The following MCU variants were observed in gnomAD, a reference collection of about 807,000 sequenced individuals.
MCU encodes the protein mitochondrial calcium uniporter.
A neutral mutation model predicts 45.2 loss-of-function variants in MCU; 12 were observed. The ratio of observed to expected loss-of-function variants is 0.27; its 90% CI spans 0.17 to 0.43. MCU has a LOEUF of 0.43. MCU is among the 20% of genes least tolerant of loss of function. The pLI is 1.00. For missense variants in MCU, 324 were observed against 436.7 expected (o/e 0.74, Z 2.30); for synonymous variants, 160 against 165.1 (o/e 0.97, Z 0.24).
intron 1 of MCU, among the ~76,000 whole-genome samples, chr10:72,710,051 C>T (rs1328840985): frequency 6.6e-6 from 1 of 152,216 alleles, no homozygotes; most frequent in Non-Finnish European, 1.5e-5. Context: ...TCTCAGGTCA[C>T]TGCAACCTCT....
At chr10:72,806,772 G>A (rs187090469) in intron 1 of MCU, among the ~76,000 whole-genome samples, 1 of 152,272 alleles carries the variant, frequency 6.6e-6, no homozygotes, top group Non-Finnish European at 1.5e-5. Flanking sequence ...TTTGAGGAGG[G>A]GTTGTTTAGT....
chr10:72,731,462 C>T (rs937624856), intron 1 of MCU, among the ~76,000 whole-genome samples: 3 of 151,970 alleles, frequency 2.0e-5, no homozygotes, highest in Non-Finnish European at 2.9e-5. Context: ...AGGTCCAGTT[C>T]GCATAACATA....
At chr10:72,833,817 C>T (rs901299043) in intron 1 of MCU, among the ~76,000 whole-genome samples, 3 of 152,104 alleles carry the variant, frequency 2.0e-5, no homozygotes, top group African/African-American at 4.8e-5. Flanking sequence ...CACTCTGAAG[C>T]GGTCGTGATT....
chr10:72,717,411 A>G (rs909232399), intron 1 of MCU, among the ~76,000 whole-genome samples: 1 of 151,942 alleles, frequency 6.6e-6, no homozygotes, highest in Admixed American at 6.6e-5. Context: ...GGCGCCCGCC[A>G]CCACGCCCGC....
Position 72,730,742 on chromosome 10 carries a change from C to T in MCU, c.150+38441C>T, listed in dbSNP as rs564284437. 11 of 152,298 alleles carry T rather than the reference C, an allele frequency of 7.2e-5. 1 individual carries two copies. The South Asian group carries it at 2.3e-3, about 32-fold the overall frequency. The allele number at this position is 152,298 out of a possible 1,614,324, so 9.4% of individuals were successfully genotyped here. The stretch of plus-strand genomic sequence containing the variant: ...AAAATGAGAAGACAAAATCCCTTTT[C>T]CCATGTGTATATCATTTGGATTTTT... On this transcript the variant is annotated intron_variant, in intron 1 of 7. Transcript: ENST00000373053.
At chr10:72,797,076 A>G (rs1417293809) in intron 1 of MCU, among the ~76,000 whole-genome samples, 1 of 152,092 alleles carries the variant, frequency 6.6e-6, no homozygotes, top group Non-Finnish European at 1.5e-5. Context: ...ATAATATTGT[A>G]GCTTATCGAC....
chr10:72,824,918 G>A (rs1450595904), intron 1 of MCU, among the ~76,000 whole-genome samples: 8 of 152,154 alleles, frequency 5.3e-5, no homozygotes, highest in Non-Finnish European at 1.2e-4. Context: ...ATGCAAAGAA[G>A]ATTTGGGATG....
intron 1 of MCU, chr10:72,693,026 A>G (rs1278164533): frequency 1.1e-5 from 17 of 1,536,150 alleles, no homozygotes; most frequent in Non-Finnish European, 1.5e-5. Flanking sequence ...GCGTGCCTGA[A>G]GCGGGAAGGG....
intron 4 of MCU, among the ~76,000 whole-genome samples, chr10:72,865,849 T>C (rs1223026491): frequency 1.3e-5 from 2 of 151,522 alleles, no homozygotes; most frequent in African/African-American, 4.9e-5. Context: ...CAATCTTGGC[T>C]CACTGCAAGC....
intron 2 of MCU, among the ~76,000 whole-genome samples, chr10:72,838,330 A>G (rs1289845701): frequency 6.6e-6 from 1 of 152,040 alleles, no homozygotes; most frequent in Non-Finnish European, 1.5e-5. Flanking sequence ...AAGAATTGCT[A>G]GGGCCAGGCA....
rs1467142921 is a variant in MCU, at chr10:72,828,912, C to G, written c.151-5447C>G. The stretch of plus-strand genomic sequence containing the variant: ...TTTTAGTTCCAAGTCCCTGATTTTC[C>G]TTAAAGTTCTCAAGTTACTTATTAA... On this transcript the variant is annotated intron_variant, in intron 1 of 7. Transcript: ENST00000373053. Among the ~76,000 whole-genome samples the G allele has an allele frequency of 3.9e-5, 6 of 152,114 alleles. No individual in the cohort carries two copies. In the South Asian group the frequency reaches 6.2e-4, roughly 16 times the overall value.
intron 6 of MCU, among the ~76,000 whole-genome samples, chr10:72,883,868 G>T (rs1299077920): frequency 6.6e-6 from 1 of 152,122 alleles, no homozygotes; most frequent in Admixed American, 6.5e-5. Context: ...GTAAAACTAA[G>T]TTGTGGAACT....
intron 1 of MCU, among the ~76,000 whole-genome samples, chr10:72,774,441 CAG>C (rs1487588549): frequency 6.6e-6 from 1 of 151,998 alleles, no homozygotes; most frequent in Non-Finnish European, 1.5e-5. Context: ...AAATTAAAAA[CAG>C]ATTACTAGGG....
intron 1 of MCU, among the ~76,000 whole-genome samples, chr10:72,767,928 G>A (rs1843751082): frequency 6.6e-6 from 1 of 151,990 alleles, no homozygotes; most frequent in African/African-American, 2.4e-5. Flanking sequence ...CATCTTGTTA[G>A]GCTCTTTTAA....
rs67094206 is a variant in MCU, at chr10:72,768,113, C to CAA, written c.151-66239_151-66238dup. Among the ~76,000 whole-genome samples the CAA allele has an allele frequency of 2.6e-3, 386 of 150,944 alleles. 1 individual carries two copies. The highest frequency in any genetic ancestry group is 7.9e-3 in the South Asian group (38 of 4,796). On this transcript the variant is annotated intron_variant, in intron 1 of 7. Transcript: ENST00000373053. ...GTTATCTTTGAACCAGAGAGGAAAA[C>CAA]AAAAAAAACAAAAAAACAAACAAAA...
intron 2 of MCU, 91 bp downstream of exon 2, chr10:72,834,519 A>G (rs1487622904): frequency 9.2e-7 from 1 of 1,092,624 alleles, no homozygotes; most frequent in East Asian, 2.4e-5. Flanking sequence ...TTTATAAACC[A>G]TACTCTTTCA....
At chr10:72,704,704 A>C (rs1334151197) in intron 1 of MCU, among the ~76,000 whole-genome samples, 1 of 106,744 alleles carries the variant, frequency 9.4e-6, no homozygotes. Context: ...TGCCTGGATA[A>C]TTTTTTTTTT....
intron 1 of MCU, among the ~76,000 whole-genome samples, chr10:72,780,650 C>T (rs571320486): frequency 6.6e-6 from 1 of 151,930 alleles, no homozygotes; most frequent in South Asian, 2.1e-4. Flanking sequence ...ACCAGGGCTA[C>T]TTGATTTAGA....
chr10:72,815,432 A>G (rs1333478064), intron 1 of MCU, among the ~76,000 whole-genome samples: 1 of 152,264 alleles, frequency 6.6e-6, no homozygotes, highest in Non-Finnish European at 1.5e-5. Context: ...TAATTGATAT[A>G]GAACAATTGA....
Sources: gnomAD v4.1 joint callset for allele counts (sites outside exome capture counted in the v4.1 genomes callset) on GRCh38, gnomAD v4.1.1 for gene constraint, MANE v1.5 for transcripts, NCBI Gene and HGNC (gene_info 2026-07-23, HGNC 2026-07-21) for gene names.